FNDC3B: variants seen among roughly 807,000 people sequenced by gnomAD.
FNDC3B encodes fibronectin type III domain containing 3B.
Under a neutral mutation model 151.5 loss-of-function variants are expected in FNDC3B, and 12 were observed. That is an observed-to-expected ratio of 0.08 (90% CI 0.05 to 0.13). FNDC3B has a LOEUF of 0.13. FNDC3B is among the 10% of genes least tolerant of loss of function. The probability of loss-of-function intolerance (pLI) is 1.00; values close to 1 mark genes in which losing one functional copy is unlikely to be tolerated. For missense variants in FNDC3B, 1,214 were observed against 1,505.3 expected, an observed-to-expected ratio of 0.81 and a Z score of 3.20; for synonymous variants, 528 against 549.0, an observed-to-expected ratio of 0.96 and a Z score of 0.54.
chr3:172,394,384 T>C (rs996919086), intron 25 of FNDC3B, among the ~76,000 whole-genome samples: 1 of 152,038 alleles, frequency 6.6e-6, no homozygotes, highest in Non-Finnish European at 1.5e-5. Context: ...AACAAATCTT[T>C]AGTTACACCA....
At chr3:172,375,598 C>G (rs1394371059) in intron 23 of FNDC3B, among the ~76,000 whole-genome samples, 1 of 152,204 alleles carries the variant, frequency 6.6e-6, no homozygotes, top group Non-Finnish European at 1.5e-5. Flanking sequence ...GAGCTCTTCT[C>G]CATGCCCCTC....
chr3:172,267,486 G>A lies in FNDC3B; in HGVS notation c.790+15945G>A, dbSNP rs142352973. On this transcript the variant is annotated intron_variant, in intron 6 of 25. Coordinates refer to ENST00000415807, the MANE Select transcript of FNDC3B (RefSeq NM_022763.4). ...ACAGTAAATTAAGCTAGTTTAAGCA[G>A]TTCATAAAGCTGAATGCTATAACAA... 2.0e-3 allele frequency among the ~76,000 whole-genome samples: 298 copies of A among 152,304 alleles called. 7 individuals are homozygous for A. Among genetic ancestry groups the A allele is most frequent in the Admixed American group, 0.016 (252 of 15,300 alleles).
At chr3:172,322,493 G>C (rs1258177772) in intron 11 of FNDC3B, among the ~76,000 whole-genome samples, 2 of 152,218 alleles carry the variant, frequency 1.3e-5, no homozygotes, top group African/African-American at 4.8e-5. Context: ...TTTCTCAATG[G>C]ATAGGGAATC....
At chr3:172,049,039 C>T (rs1192932221) in intron 1 of FNDC3B, among the ~76,000 whole-genome samples, 2 of 151,974 alleles carry the variant, frequency 1.3e-5, no homozygotes, top group Admixed American at 6.6e-5. Flanking sequence ...TGAACAGTGG[C>T]GATGGTTGTA....
In FNDC3B at chr3:172,185,152, C is replaced by T. The variant is rs555909528; in HGVS notation, c.188-41719C>T. Reference sequence around the variant, plus strand: ...GTCTATTAATAACACTGAACAATCTCCACTCCATCATCCATTTGGTTTGGT... The same window carrying T: ...GTCTATTAATAACACTGAACAATCTTCACTCCATCATCCATTTGGTTTGGT... On this transcript the variant is annotated intron_variant, in intron 3 of 25. Coordinates refer to ENST00000415807, the MANE Select transcript of FNDC3B (RefSeq NM_022763.4). Among the ~76,000 whole-genome samples, 130 of 152,294 alleles carry T rather than the reference C, an allele frequency of 8.5e-4. 1 individual carries two copies. The highest frequency in any genetic ancestry group is 3.1e-3 in the African/African-American group (128 of 41,562).
chr3:172,150,011 G>T (rs556859081), intron 3 of FNDC3B, among the ~76,000 whole-genome samples: 5 of 151,720 alleles, frequency 3.3e-5, no homozygotes, highest in South Asian at 2.1e-4. Flanking sequence ...TAGAGACAGG[G>T]TTTCACCATA....
chr3:172,342,293 A>G (rs976370329), intron 17 of FNDC3B, among the ~76,000 whole-genome samples: 1 of 152,256 alleles, frequency 6.6e-6, no homozygotes. Flanking sequence ...GAGTAAATCC[A>G]AATCAAAGCT....
intron 3 of FNDC3B, among the ~76,000 whole-genome samples, chr3:172,174,923 T>G (rs6804983): frequency 3.9e-5 from 1 of 25,594 alleles, no homozygotes; most frequent in Non-Finnish European, 9.0e-5. Context: ...TTGGAGACCT[T>G]CCCCCCGCCA....
At chr3:172,127,047 T>A (rs1217590078) in intron 2 of FNDC3B, 1 of 456,564 alleles carries the variant, frequency 2.2e-6, no homozygotes, top group Non-Finnish European at 4.4e-6. Flanking sequence ...AAAGAGAAAA[T>A]CTGGTCAGAG....
chr3:172,326,800 G>A (rs537871093), intron 11 of FNDC3B, among the ~76,000 whole-genome samples: 1 of 150,320 alleles, frequency 6.7e-6, no homozygotes, highest in South Asian at 2.1e-4. Context: ...AACCTAGTAA[G>A]AAACACTGAC....
At chr3:172,318,565 G>A (rs1382346087) in intron 11 of FNDC3B, among the ~76,000 whole-genome samples, 1 of 152,172 alleles carries the variant, frequency 6.6e-6, no homozygotes, top group Non-Finnish European at 1.5e-5. Flanking sequence ...GAAGGGAATG[G>A]AGCAGCTACA....
At chr3:172,338,982 C>T (rs187394771) in intron 16 of FNDC3B, among the ~76,000 whole-genome samples, 3 of 152,176 alleles carry the variant, frequency 2.0e-5, no homozygotes. Context: ...CGTGATCCAC[C>T]CACCTCGGTC....
chr3:172,366,200 A>G (rs527324766), intron 23 of FNDC3B, among the ~76,000 whole-genome samples: 1 of 152,360 alleles, frequency 6.6e-6, no homozygotes, highest in South Asian at 2.1e-4. Flanking sequence ...GTTTATTTAT[A>G]TACCTCTCAG....
At chr3:172,050,416 CT>C (rs1716584285) in intron 1 of FNDC3B, among the ~76,000 whole-genome samples, 2 of 151,336 alleles carry the variant, frequency 1.3e-5, no homozygotes, top group African/African-American at 4.9e-5. Flanking sequence ...TGGTGTCTCA[CT>C]CTGTCACCCA....
At chr3:172,261,778 C>A (rs1003332355) in intron 6 of FNDC3B, among the ~76,000 whole-genome samples, 10 of 152,186 alleles carry the variant, frequency 6.6e-5, no homozygotes, top group African/African-American at 2.4e-4. Flanking sequence ...AAGTGAAATG[C>A]TCCCCATAGT....
At chr3:172,387,506 A>C (rs1327267690) in intron 25 of FNDC3B, among the ~76,000 whole-genome samples, 1 of 152,234 alleles carries the variant, frequency 6.6e-6, no homozygotes, top group African/African-American at 2.4e-5. Flanking sequence ...GCATGAATAA[A>C]GGGTCAAATT....
intron 1 of FNDC3B, among the ~76,000 whole-genome samples, chr3:172,062,822 A>G (rs1257686693): frequency 6.6e-6 from 1 of 152,104 alleles, no homozygotes; most frequent in Non-Finnish European, 1.5e-5. Flanking sequence ...TGAAGCCCGT[A>G]TATCACTGAG....
chr3:172,322,635 C>T (rs6762882), intron 11 of FNDC3B, among the ~76,000 whole-genome samples: 8,152 of 152,184 alleles, frequency 0.054, 757 homozygotes, highest in African/African-American at 0.19. Context: ...TTTTTAGGTA[C>T]TATAACCTAA....
At chr3:172,212,365 T>C (rs573059632) in intron 3 of FNDC3B, among the ~76,000 whole-genome samples, 1 of 152,350 alleles carries the variant, frequency 6.6e-6, no homozygotes, top group African/African-American at 2.4e-5. Context: ...CCTGTTTTTT[T>C]CTACTTTCTA....
Sources: gnomAD v4.1 joint callset for allele counts (sites outside exome capture counted in the v4.1 genomes callset) on GRCh38, gnomAD v4.1.1 for gene constraint, MANE v1.5 for transcripts, NCBI Gene and HGNC (gene_info 2026-07-23, HGNC 2026-07-21) for gene names.